Variants in C1orf21 observed in about 807,000 individuals in gnomAD.
C1orf21 encodes the protein uncharacterized protein C1orf21.
A neutral mutation model predicts 18.7 loss-of-function variants in C1orf21; 3 were observed. The observed-to-expected ratio is 0.16, with a 90% CI of 0.07 to 0.42. C1orf21 has a LOEUF of 0.42. C1orf21 is among the 10% of genes least tolerant of loss of function. The pLI is 0.99. For missense variants in C1orf21, 104 were observed against 143.6 expected (o/e 0.72, Z 1.41); for synonymous variants, 41 against 46.4 (o/e 0.88, Z 0.47).
intron 3 of C1orf21, among the ~76,000 whole-genome samples, chr1:184,589,835 A>G (rs559699077): frequency 2.3e-4 from 35 of 152,268 alleles, no homozygotes; most frequent in Admixed American, 1.6e-3. Context: ...TTTGGGGACC[A>G]TCTGTTTTAT....
intron 2 of C1orf21, among the ~76,000 whole-genome samples, chr1:184,491,949 G>A (rs141696328): frequency 2.6e-5 from 4 of 152,354 alleles, no homozygotes; most frequent in East Asian, 3.9e-4. Context: ...CTTAGGAAGA[G>A]AAGGAATCAG....
At chr1:184,425,445 A>G (rs1656620588) in intron 1 of C1orf21, among the ~76,000 whole-genome samples, 1 of 151,698 alleles carries the variant, frequency 6.6e-6, no homozygotes, top group Non-Finnish European at 1.5e-5. Context: ...AGTTTTTTGT[A>G]GAGACGAGGT....
intron 1 of C1orf21, among the ~76,000 whole-genome samples, chr1:184,425,542 A>G (rs897681757): frequency 6.6e-6 from 1 of 152,084 alleles, no homozygotes; most frequent in Non-Finnish European, 1.5e-5. Flanking sequence ...GATTACAGGC[A>G]TGAGCTACCA....
At chr1:184,422,052 G>A (rs10911595) in intron 1 of C1orf21, among the ~76,000 whole-genome samples, 5,890 of 152,244 alleles carry the variant, frequency 0.039, 402 homozygotes, top group African/African-American at 0.13. Flanking sequence ...AACTGAATAC[G>A]TGGGGAGCAT....
intron 2 of C1orf21, among the ~76,000 whole-genome samples, chr1:184,497,529 G>A (rs1657910725): frequency 6.6e-6 from 1 of 152,226 alleles, no homozygotes; most frequent in Non-Finnish European, 1.5e-5. Flanking sequence ...TCACGAATGT[G>A]AGCACTGATT....
chr1:184,484,232 C>G (rs887271443), intron 2 of C1orf21, among the ~76,000 whole-genome samples: 4 of 152,098 alleles, frequency 2.6e-5, no homozygotes, highest in Middle Eastern at 3.2e-3. Flanking sequence ...GTACTCTGTT[C>G]CTTCATGATC....
intron 4 of C1orf21, among the ~76,000 whole-genome samples, chr1:184,591,607 C>A (rs1659437401): frequency 6.6e-6 from 1 of 151,986 alleles, no homozygotes; most frequent in Non-Finnish European, 1.5e-5. Flanking sequence ...GAGATCGAGA[C>A]CATCCTGGCT....
chr1:184,616,420 G>A (rs1201891840), intron 5 of C1orf21, among the ~76,000 whole-genome samples: 1 of 152,232 alleles, frequency 6.6e-6, no homozygotes, highest in East Asian at 1.9e-4. Context: ...TATCTGCAAA[G>A]CAGCTAATGC....
Position 184,611,587 on chromosome 1 carries a change from T to C in C1orf21, c.328-7931T>C, listed in dbSNP as rs1053281342. On this transcript the variant is annotated intron_variant, in intron 5 of 5. Coordinates refer to ENST00000235307, the MANE Select transcript of C1orf21 (RefSeq NM_030806.4). ...CAGAGCTGAAACATACAGATTCTTA[T>C]GGAAACTTGGATCTGAGGTTGCCTC... is the stretch of plus-strand genomic sequence containing the variant. 2.0e-4 allele frequency among the ~76,000 whole-genome samples: 30 copies of C among 152,326 alleles called. 1 individual carries two copies. Among genetic ancestry groups the C allele is most frequent in the African/African-American group, 7.2e-4 (30 of 41,572 alleles).
chr1:184,437,860 GAC>G (rs960742288), intron 1 of C1orf21, among the ~76,000 whole-genome samples: 14 of 152,050 alleles, frequency 9.2e-5, no homozygotes, highest in African/African-American at 3.1e-4. Context: ...GGTGATAAGA[GAC>G]AGTGACAGAT....
chr1:184,555,689 G>T (rs1247068306), intron 3 of C1orf21, among the ~76,000 whole-genome samples: 1 of 151,978 alleles, frequency 6.6e-6, no homozygotes, highest in African/African-American at 2.4e-5. Flanking sequence ...CAGGAGCGGG[G>T]CAAGGAGTTG....
intron 1 of C1orf21, among the ~76,000 whole-genome samples, chr1:184,456,351 G>A (rs1350027522): frequency 1.3e-5 from 2 of 152,038 alleles, no homozygotes; most frequent in Non-Finnish European, 1.5e-5. Flanking sequence ...ACTGAAACCC[G>A]ATTCTTCCTT....
At chr1:184,476,929 G>A (rs1010064179) in intron 1 of C1orf21, among the ~76,000 whole-genome samples, 1 of 152,148 alleles carries the variant, frequency 6.6e-6, no homozygotes, top group African/African-American at 2.4e-5. Context: ...AATTTGAGGA[G>A]CTGGGAGGGC....
intron 3 of C1orf21, among the ~76,000 whole-genome samples, chr1:184,562,038 A>G (rs1466384563): frequency 1.3e-5 from 2 of 152,078 alleles, no homozygotes; most frequent in East Asian, 3.9e-4. Context: ...GTGTACCAGA[A>G]TAGTAGTTTC....
intron 2 of C1orf21, among the ~76,000 whole-genome samples, chr1:184,481,178 ACT>A (rs1424317389): frequency 1.3e-5 from 2 of 152,092 alleles, no homozygotes; most frequent in African/African-American, 2.4e-5. Context: ...TTAAAAAAAA[ACT>A]CTCTCTCTTA....
intron 1 of C1orf21, among the ~76,000 whole-genome samples, chr1:184,436,961 G>T (rs924977642): frequency 6.6e-6 from 1 of 152,082 alleles, no homozygotes; most frequent in Non-Finnish European, 1.5e-5. Context: ...ACTTTTGAAG[G>T]TCCCTCTGAG....
chr1:184,468,640 T>C (rs918928679), intron 1 of C1orf21, among the ~76,000 whole-genome samples: 1 of 152,226 alleles, frequency 6.6e-6, no homozygotes, highest in Admixed American at 6.5e-5. Context: ...GATTCTTGGC[T>C]GGGCAGAGTG....
intron 3 of C1orf21, among the ~76,000 whole-genome samples, chr1:184,583,611 C>T (rs1327517938): frequency 6.6e-6 from 1 of 152,190 alleles, no homozygotes; most frequent in Admixed American, 6.5e-5. Context: ...GATCTTTCTG[C>T]TGAAATAGAC....
At chr1:184,552,915 A>T (rs542936285) in intron 3 of C1orf21, among the ~76,000 whole-genome samples, 29 of 152,322 alleles carry the variant, frequency 1.9e-4, no homozygotes, top group African/African-American at 7.0e-4. Context: ...CAAAATGTAC[A>T]TTTTTGTCAT....
Sources: gnomAD v4.1 joint callset for allele counts (sites outside exome capture counted in the v4.1 genomes callset) on GRCh38, gnomAD v4.1.1 for gene constraint, MANE v1.5 for transcripts, NCBI Gene and HGNC (gene_info 2026-07-23, HGNC 2026-07-21) for gene names.